Variants in GPC6 observed in about 807,000 individuals in gnomAD.
The protein encoded by GPC6 is glypican-6.
GPC6 carries 14 observed loss-of-function variants against 55.2 expected under a neutral mutation model. The observed-to-expected ratio is 0.25, with a 90% confidence interval of 0.17 to 0.40. The LOEUF (loss-of-function observed/expected upper bound fraction) is 0.40, where lower values mean the gene tolerates loss of function less well. GPC6 is among the 10% of genes least tolerant of loss of function. The pLI, the probability that GPC6 is intolerant of heterozygous loss-of-function variation, is 1.00. For missense variants in GPC6, 641 were observed against 708.5 expected (o/e 0.90, Z 1.08); for synonymous variants, 278 against 259.6 (o/e 1.07, Z -0.68).
chr13:93,634,185 A>G (rs1437420877), intron 2 of GPC6, among the ~76,000 whole-genome samples: 2 of 152,184 alleles, frequency 1.3e-5, no homozygotes, highest in Admixed American at 6.5e-5. Flanking sequence ...TTTTCAGGTC[A>G]GAGAGATTTT....
At chr13:94,091,425 T>C (rs954808252) in intron 4 of GPC6, among the ~76,000 whole-genome samples, 1 of 152,202 alleles carries the variant, frequency 6.6e-6, no homozygotes. Context: ...GAATGGGCTA[T>C]GCTTTCCACT....
rs115738696 is a variant in GPC6 at position 94,091,749 on chromosome 13, A to C, written c.877+63855A>C. Among the ~76,000 whole-genome samples, 362 of 152,200 alleles carry C rather than the reference A, an allele frequency of 2.4e-3. 2 individuals carry two copies. Among genetic ancestry groups the C allele is most frequent in the African/African-American group, 8.0e-3 (333 of 41,540 alleles). On this transcript the variant is annotated intron_variant, in intron 4 of 8. Coordinates refer to ENST00000377047, the MANE Select transcript of GPC6 (RefSeq NM_005708.5). ...AATATGAAAGATGATGATGACCAGAAGATATGGGTGTCTGGGATCATCAGT... is the reference window on the plus strand; with the variant it reads ...AATATGAAAGATGATGATGACCAGACGATATGGGTGTCTGGGATCATCAGT...
upstream of GPC6, among the ~76,000 whole-genome samples, chr13:93,224,898 T>C (rs1875716536): frequency 6.6e-6 from 1 of 152,204 alleles, no homozygotes; most frequent in Non-Finnish European, 1.5e-5. Context: ...ATTAAACTAA[T>C]CTATTTAGTC....
intron 6 of GPC6, among the ~76,000 whole-genome samples, chr13:94,351,048 T>A (rs1325648781): frequency 6.6e-6 from 1 of 152,146 alleles, no homozygotes; most frequent in African/African-American, 2.4e-5. Context: ...GGGAAGATTT[T>A]AGATGAGTGG....
intron 2 of GPC6, among the ~76,000 whole-genome samples, chr13:93,546,636 T>C (rs1874802349): frequency 6.6e-6 from 1 of 152,214 alleles, no homozygotes; most frequent in African/African-American, 2.4e-5. Context: ...GTGAATGTTG[T>C]TCCCTTAAAT....
intron 2 of GPC6, among the ~76,000 whole-genome samples, chr13:93,769,444 A>AG (rs1467918540): frequency 1.3e-5 from 2 of 151,618 alleles, no homozygotes; most frequent in Non-Finnish European, 2.9e-5. Context: ...AAAAAAAAAA[A>AG]AAAAGACAGC....
chr13:93,303,394 G>C (rs1202859737), intron 1 of GPC6, among the ~76,000 whole-genome samples: 1 of 152,118 alleles, frequency 6.6e-6, no homozygotes, highest in Admixed American at 6.5e-5. Context: ...AAATCTTTAG[G>C]ACAGTAGCTG....
At chr13:93,601,923 T>C (rs1878032099) in intron 2 of GPC6, among the ~76,000 whole-genome samples, 1 of 152,234 alleles carries the variant, frequency 6.6e-6, no homozygotes, top group South Asian at 2.1e-4. Context: ...CTGCCTAAGG[T>C]CCTCTTTGCC....
chr13:94,120,083 T>C (rs970367262), intron 4 of GPC6, among the ~76,000 whole-genome samples: 11 of 151,988 alleles, frequency 7.2e-5, no homozygotes, highest in African/African-American at 2.7e-4. Flanking sequence ...GTTTATGTAA[T>C]TTAATTTTTA....
intron 1 of GPC6, among the ~76,000 whole-genome samples, chr13:93,438,364 A>G (rs1281310377): frequency 2.6e-5 from 4 of 152,196 alleles, no homozygotes; most frequent in African/African-American, 7.2e-5. Flanking sequence ...GGCAAAGTCA[A>G]TTGAAAACCT....
chr13:93,918,738 A>G (rs1877414850), intron 3 of GPC6, among the ~76,000 whole-genome samples: 1 of 152,146 alleles, frequency 6.6e-6, no homozygotes, highest in Non-Finnish European at 1.5e-5. Context: ...GAGAATCTGG[A>G]CACCATCTCC....
chr13:93,326,729 C>T (rs1022493276), intron 1 of GPC6, among the ~76,000 whole-genome samples: 1 of 152,112 alleles, frequency 6.6e-6, no homozygotes, highest in Non-Finnish European at 1.5e-5. Flanking sequence ...ATTTCCAAAC[C>T]ATACTTTATT....
chr13:93,347,840 C>G (rs1481663077), intron 1 of GPC6, among the ~76,000 whole-genome samples: 1 of 152,188 alleles, frequency 6.6e-6, no homozygotes, highest in African/African-American at 2.4e-5. Context: ...GGGAAGACAG[C>G]AGGGCAGGCT....
intron 1 of GPC6, among the ~76,000 whole-genome samples, chr13:93,488,436 G>A (rs534772115): frequency 2.6e-5 from 4 of 152,300 alleles, no homozygotes; most frequent in African/African-American, 9.6e-5. Context: ...ACATACGTGT[G>A]CATGTGTCTT....
intron 1 of GPC6, among the ~76,000 whole-genome samples, chr13:93,537,137 C>T (rs1001961910): frequency 2.8e-4 from 43 of 152,226 alleles, no homozygotes; most frequent in Admixed American, 1.6e-3. Flanking sequence ...TGTCTCTTTT[C>T]CTCCCAGAAA....
At position 94,339,854 on chromosome 13, in the gene GPC6, T is replaced by C. The variant is rs12427544; in HGVS notation, c.1152+33731T>C. ...TCTGGGCTTGCCTCAACCTCCAACT[T>C]CCGGGTTCAAGCAATTCTCCTGCTT... On this transcript the variant is annotated intron_variant, in intron 6 of 8. Coordinates refer to ENST00000377047, the MANE Select transcript of GPC6 (RefSeq NM_005708.5). Among the ~76,000 whole-genome samples the C allele has an allele frequency of 3.6e-3, 512 of 143,502 alleles. 11 individuals carry two copies. The highest frequency in any genetic ancestry group is 0.035 in the Admixed American group (471 of 13,632). 94.1% of individuals were successfully genotyped at this position (143,502 alleles called of 152,430 possible).
At chr13:94,095,218 T>A (rs1006707846) in intron 4 of GPC6, among the ~76,000 whole-genome samples, 27 of 152,146 alleles carry the variant, frequency 1.8e-4, no homozygotes, top group Non-Finnish European at 3.8e-4. Flanking sequence ...CGTGAGTTTT[T>A]AAAATTTTGC....
chr13:93,438,308 C>T (rs1398422005), intron 1 of GPC6, among the ~76,000 whole-genome samples: 1 of 152,118 alleles, frequency 6.6e-6, no homozygotes, highest in Non-Finnish European at 1.5e-5. Flanking sequence ...AAATACATGT[C>T]ATAAAGCTAT....
chr13:93,276,389 C>G (rs1302084166), intron 1 of GPC6, among the ~76,000 whole-genome samples: 1 of 151,534 alleles, frequency 6.6e-6, no homozygotes, highest in Non-Finnish European at 1.5e-5. Context: ...CCTTTTAACT[C>G]TGATGTGAAG....
Sources: gnomAD v4.1 joint callset for allele counts (sites outside exome capture counted in the v4.1 genomes callset) on GRCh38, gnomAD v4.1.1 for gene constraint, MANE v1.5 for transcripts, NCBI Gene and HGNC (gene_info 2026-07-23, HGNC 2026-07-21) for gene names.